The following KSR2 variants were observed in gnomAD, a reference collection of about 807,000 sequenced individuals.
KSR2 encodes the protein kinase suppressor of ras 2.
Under a neutral mutation model 107.8 loss-of-function variants are expected in KSR2, and 25 were observed. The observed-to-expected ratio is 0.23, with a 90% confidence interval of 0.17 to 0.32. The LOEUF is 0.32. Among genes scored for constraint, KSR2 ranks in the 10% least tolerant of loss-of-function variants. KSR2 has a pLI of 1.00. For missense variants in KSR2, 887 were observed against 1,268.9 expected, an observed-to-expected ratio of 0.70 and a Z score of 4.57; for synonymous variants, 480 against 507.0, an observed-to-expected ratio of 0.95 and a Z score of 0.71.
intron 7 of KSR2, among the ~76,000 whole-genome samples, chr12:117,571,744 T>C (rs953327501): frequency 6.6e-6 from 1 of 152,174 alleles, no homozygotes; most frequent in Admixed American, 6.5e-5. Context: ...ATCCCTTAGT[T>C]GATCAGACCC....
intron 14 of KSR2, among the ~76,000 whole-genome samples, chr12:117,514,546 T>C (rs79060353): frequency 6.7e-4 from 63 of 94,098 alleles, no homozygotes; most frequent in Middle Eastern, 0.011. Context: ...CTCTCTCTCT[T>C]TTTTTTTTTT....
chr12:117,863,693 T>C (rs950740198), intron 1 of KSR2, among the ~76,000 whole-genome samples: 2 of 152,118 alleles, frequency 1.3e-5, no homozygotes, highest in African/African-American at 4.8e-5. Flanking sequence ...ATCTCGCAGT[T>C]CTGGAGATCA....
At chr12:117,592,008 C>T (rs1374909683) in intron 5 of KSR2, among the ~76,000 whole-genome samples, 2 of 145,698 alleles carry the variant, frequency 1.4e-5, no homozygotes, top group African/African-American at 2.5e-5. Context: ...GATTCTGTCT[C>T]GAAAAAAAAA....
intron 5 of KSR2, among the ~76,000 whole-genome samples, chr12:117,600,492 T>G (rs564505971): frequency 6.6e-6 from 1 of 152,224 alleles, no homozygotes; most frequent in South Asian, 2.1e-4. Flanking sequence ...TTCCTATTCT[T>G]GTAGAAAGGA....
chr12:117,840,579 G>A (rs1026243668), intron 3 of KSR2, among the ~76,000 whole-genome samples: 10 of 151,466 alleles, frequency 6.6e-5, no homozygotes, highest in Admixed American at 2.0e-4. Context: ...TATTTTTAGT[G>A]GAGACAGGGT....
chr12:117,732,214 C>T (rs757264386), intron 4 of KSR2, among the ~76,000 whole-genome samples: 11 of 151,964 alleles, frequency 7.2e-5, no homozygotes, highest in Non-Finnish European at 1.3e-4. Context: ...GAAAGGCCAC[C>T]TCTTTAATGT....
chr12:117,626,804 G>T (rs1029765911), intron 5 of KSR2, among the ~76,000 whole-genome samples: 1 of 152,126 alleles, frequency 6.6e-6, no homozygotes, highest in African/African-American at 2.4e-5. Flanking sequence ...TGACAGTGGG[G>T]TGTTACAGTC....
intron 9 of KSR2, among the ~76,000 whole-genome samples, chr12:117,541,463 T>A (rs2137290043): frequency 6.6e-6 from 1 of 152,316 alleles, no homozygotes; most frequent in African/African-American, 2.4e-5. Context: ...TTTCACCAGA[T>A]GGCAAGAGAT....
intron 1 of KSR2, among the ~76,000 whole-genome samples, chr12:117,951,154 C>G (rs1354358535): frequency 6.6e-6 from 1 of 152,050 alleles, no homozygotes; most frequent in Non-Finnish European, 1.5e-5. Context: ...ATGATCCGCC[C>G]ACCTCGGCCT....
At chr12:117,774,533 G>A (rs560760378) in intron 3 of KSR2, among the ~76,000 whole-genome samples, 70 of 152,120 alleles carry the variant, frequency 4.6e-4, no homozygotes, top group South Asian at 8.3e-4. Flanking sequence ...CTCTGACCCC[G>A]TAATGCCTCC....
At chr12:117,829,658 A>C (rs1002841797) in intron 3 of KSR2, among the ~76,000 whole-genome samples, 1 of 152,182 alleles carries the variant, frequency 6.6e-6, no homozygotes, top group African/African-American at 2.4e-5. Flanking sequence ...ATTTTCTATA[A>C]AGGACTGGAC....
At chr12:117,755,228 C>A (rs755947995) in intron 4 of KSR2, among the ~76,000 whole-genome samples, 1 of 152,158 alleles carries the variant, frequency 6.6e-6, no homozygotes, top group Non-Finnish European at 1.5e-5. Flanking sequence ...AAGAAAAGGA[C>A]ACACAGGCAT....
At chr12:117,885,106 T>C (rs774899710) in intron 1 of KSR2, among the ~76,000 whole-genome samples, 3 of 152,160 alleles carry the variant, frequency 2.0e-5, no homozygotes, top group Non-Finnish European at 4.4e-5. Context: ...AACAGCCCTG[T>C]TGCATGTGGA....
At chr12:117,767,740 G>A (rs1276264717) in intron 3 of KSR2, among the ~76,000 whole-genome samples, 1 of 142,252 alleles carries the variant, frequency 7.0e-6, no homozygotes, top group Non-Finnish European at 1.5e-5. Context: ...AGCCGAGATC[G>A]CACCATTGCA....
At chr12:117,476,282 C>A (rs368222085) in intron 17 of KSR2, among the ~76,000 whole-genome samples, 182 bp downstream of exon 17, 6 of 152,172 alleles carry the variant, frequency 3.9e-5, no homozygotes. Flanking sequence ...CAGACACACA[C>A]GTTTGTTAGG....
At chr12:117,472,013 G>A (rs1267469781) in intron 17 of KSR2, among the ~76,000 whole-genome samples, 2 of 151,140 alleles carry the variant, frequency 1.3e-5, no homozygotes, top group African/African-American at 4.9e-5. Context: ...ACCACCCTGC[G>A]GAACGGTGGA....
chr12:117,627,438 T>A (rs1032939809), intron 5 of KSR2, among the ~76,000 whole-genome samples: 1 of 152,190 alleles, frequency 6.6e-6, no homozygotes, highest in Admixed American at 6.5e-5. Flanking sequence ...CGTAAAGGAT[T>A]TTATTTCTCC....
intron 7 of KSR2, among the ~76,000 whole-genome samples, chr12:117,567,938 G>C (rs1878629828): frequency 6.6e-6 from 1 of 151,596 alleles, no homozygotes; most frequent in South Asian, 2.1e-4. Flanking sequence ...GCCTCCGTAT[G>C]CTCCAAGTAC....
chr12:117,592,354 T>A (rs1194869369), intron 5 of KSR2, among the ~76,000 whole-genome samples: 2 of 152,066 alleles, frequency 1.3e-5, no homozygotes, highest in African/African-American at 4.8e-5. Context: ...CCTCAGGTGA[T>A]CCTCCCACTT....
Sources: allele counts gnomAD v4.1 joint callset (sites outside exome capture counted in the v4.1 genomes callset), GRCh38; gene constraint gnomAD v4.1.1; transcripts MANE v1.5; gene names NCBI Gene and HGNC (gene_info 2026-07-23, HGNC 2026-07-21).